VTCN1: variants seen among roughly 807,000 people sequenced by gnomAD.
The protein encoded by VTCN1 is V-set domain containing T cell activation inhibitor 1, also known as V-set domain-containing T-cell activation inhibitor 1.
A neutral mutation model predicts 26.5 loss-of-function variants in VTCN1; 26 were observed. The observed-to-expected ratio is 0.98, with a 90% CI of 0.72 to 1.36. The LOEUF (loss-of-function observed/expected upper bound fraction) is 1.36. VTCN1 is among the 40% of genes most tolerant of loss of function. The pLI is 0.00. For missense variants in VTCN1, 298 were observed against 337.7 expected (o/e 0.88, Z 0.92); for synonymous variants, 116 against 130.7 (o/e 0.89, Z 0.77).
At position 117,144,619 on chromosome 1, in the gene VTCN1, G is replaced by C. The variant is rs993986697; in HGVS notation, c.*652C>G. 6.6e-6 allele frequency: 1 copy of C among 152,106 alleles called. No homozygotes were observed. The highest frequency in any genetic ancestry group is 2.4e-5 in the African/African-American group (1 of 41,332). 9.4% of individuals were successfully genotyped at this position (152,106 alleles called of 1,614,324 possible). A position where few individuals can be genotyped will look rare whatever the true frequency, so the allele number is the denominator to read the frequency against. ...GTTTATTTATAAAATCGGTGTCGCC[G>C]ACTGCTCTGTTTATGCTAAAATTAT... is the stretch of plus-strand genomic sequence containing the variant. On this transcript the variant is annotated 3_prime_UTR_variant, in exon 6 of 6. Coordinates refer to ENST00000369458, the MANE Select transcript of VTCN1 (RefSeq NM_024626.4).
chr1:117,155,504 T>C lies in VTCN1; in HGVS notation c.445+1070A>G, dbSNP rs1467773367. On this transcript the variant is annotated intron_variant, in intron 3 of 5. Transcript: ENST00000369458. This position sits in a 1 kb window ranked among gnomAD's most constrained non-coding sequence, Gnocchi z 4.8. ...GTATTTATTCTATACCTTTGAGTTA[T>C]AATTCAATACTATGTTACTTATTTT... Among the ~76,000 whole-genome samples the C allele has an allele frequency of 1.3e-5, 2 of 152,262 alleles. No individual in the cohort carries two copies. Among genetic ancestry groups the C allele is most frequent in the Admixed American group, 6.5e-5 (1 of 15,292 alleles).
chr1:117,156,724 C>G lies in VTCN1; in HGVS notation c.295G>C (p.Gly99Arg). 6.2e-7 allele frequency: 1 copy of G among 1,614,208 alleles called. No individual in the cohort carries two copies. Residue 99 changes from glycine to arginine, a missense_variant, in exon 3 of 6, where the codon GGC (glycine) becomes CGC (arginine). Coordinates refer to ENST00000369458, the MANE Select transcript of VTCN1 (RefSeq NM_024626.4). ...TGATCAGCAAACACTGCTGTCCGGC[C>G]TCTGAACATTTCATCCTGCTCCGAC... is the stretch of plus-strand genomic sequence containing the variant. Reference protein sequence around the residue: ...ELSEQDEMFRGRTAVFADQVI... With the variant: ...ELSEQDEMFRRRTAVFADQVI...
intron 1 of VTCN1, among the ~76,000 whole-genome samples, chr1:117,185,851 C>T (rs1444133599): frequency 2.0e-5 from 3 of 152,150 alleles, no homozygotes; most frequent in African/African-American, 7.2e-5. Flanking sequence ...CAAGTTGTCC[C>T]ACCTTTCCAG....
At chr1:117,152,039 A>G (rs1651829023) in intron 4 of VTCN1, among the ~76,000 whole-genome samples, 1 of 152,138 alleles carries the variant, frequency 6.6e-6, no homozygotes, top group African/African-American at 2.4e-5. Flanking sequence ...TACTTTGCCC[A>G]TTTTAAAATG....
rs1652369616 is a variant in VTCN1, at chr1:117,161,534, T to C, written c.98-4613A>G. Among the ~76,000 whole-genome samples the C allele has an allele frequency of 6.6e-6, 1 of 152,228 alleles. No individual in the cohort carries two copies. Among genetic ancestry groups the C allele is most frequent in the Admixed American group, 6.5e-5 (1 of 15,276 alleles). ...TCTCTGGAACTAGTTTGTGAGCTTT[T>C]CAAGAGCAGAAACTGTCTTAATCCT... On this transcript the variant is annotated intron_variant, in intron 2 of 5. Coordinates refer to ENST00000369458, the MANE Select transcript of VTCN1 (RefSeq NM_024626.4). This position sits in a 1 kb window ranked among gnomAD's most constrained non-coding sequence, Gnocchi z 4.3.
chr1:117,170,772 C>T (rs1438096936), intron 1 of VTCN1, among the ~76,000 whole-genome samples: 1 of 152,112 alleles, frequency 6.6e-6, no homozygotes, highest in African/African-American at 2.4e-5. Context: ...AAAAATGAGA[C>T]AAATAAATCA....
chr1:117,197,801 C>A lies in VTCN1; in HGVS notation c.32+13023G>T, dbSNP rs529227824. On this transcript the variant is annotated intron_variant, in intron 1 of 5. Coordinates refer to ENST00000369458, the MANE Select transcript of VTCN1 (RefSeq NM_024626.4). ...ACCCTCCACCAGTAACATATTTATACCCTCCACTGGTAACAAAATGAGAGG... is the reference window on the plus strand; with the variant it reads ...ACCCTCCACCAGTAACATATTTATAACCTCCACTGGTAACAAAATGAGAGG... Among the ~76,000 whole-genome samples the A allele has an allele frequency of 3.3e-5, 5 of 152,192 alleles. No individual in the cohort carries two copies. In the East Asian group the frequency reaches 9.7e-4, roughly 29 times the overall value.
In VTCN1 at chr1:117,158,799, C is replaced by T. The variant is rs150005658; in HGVS notation, c.98-1878G>A. On this transcript the variant is annotated intron_variant, in intron 2 of 5. Coordinates refer to ENST00000369458, the MANE Select transcript of VTCN1 (RefSeq NM_024626.4). ...TAAAACTGAATACCTTTAACAGCAC[C>T]GAAGTTACCTCTTGAATGCTTTGCT... is the stretch of plus-strand genomic sequence containing the variant. Among the ~76,000 whole-genome samples the T allele has an allele frequency of 6.2e-3, 937 of 152,260 alleles. 10 individuals carry two copies. Among genetic ancestry groups the T allele is most frequent in the African/African-American group, 0.02 (845 of 41,548 alleles).
chr1:117,181,260 A>AG (rs1647658777), intron 1 of VTCN1, among the ~76,000 whole-genome samples: 2 of 151,982 alleles, frequency 1.3e-5, no homozygotes, highest in South Asian at 4.2e-4. Context: ...TTACAAAAAA[A>AG]AAAAAAAAGT....
chr1:117,196,036 C>T (rs1285536997), intron 1 of VTCN1, among the ~76,000 whole-genome samples: 1 of 152,092 alleles, frequency 6.6e-6, no homozygotes, highest in Non-Finnish European at 1.5e-5. Flanking sequence ...CCCATAGTCC[C>T]AGCTACTTGG....
chr1:117,185,296 C>T (rs1451771833), intron 1 of VTCN1, among the ~76,000 whole-genome samples: 2 of 152,176 alleles, frequency 1.3e-5, no homozygotes, highest in Admixed American at 1.3e-4. Flanking sequence ...GCAGGAATGA[C>T]TAGGGTCTTG....
intron 1 of VTCN1, among the ~76,000 whole-genome samples, chr1:117,193,002 A>T (rs1648320864): frequency 6.6e-6 from 1 of 152,198 alleles, no homozygotes; most frequent in South Asian, 2.1e-4. Flanking sequence ...CAACACAGCA[A>T]TAACAATGGA....
At chr1:117,152,018 G>C (rs1480570734) in intron 4 of VTCN1, among the ~76,000 whole-genome samples, 1 of 152,146 alleles carries the variant, frequency 6.6e-6, no homozygotes, top group Non-Finnish European at 1.5e-5. Context: ...TGGGTTGAAT[G>C]TCTCTTCAAG....
At chr1:117,163,395 AG>A (rs34043202) in intron 2 of VTCN1, among the ~76,000 whole-genome samples, 2 of 152,236 alleles carry the variant, frequency 1.3e-5, no homozygotes, top group African/African-American at 4.8e-5. Flanking sequence ...GATACAATGC[AG>A]GTAAAGTGCT....
chr1:117,182,039 C>T (rs1647697764), intron 1 of VTCN1, among the ~76,000 whole-genome samples: 1 of 152,194 alleles, frequency 6.6e-6, no homozygotes, highest in Admixed American at 6.5e-5. Context: ...AGCACTTGGG[C>T]TGGCTGCTTC....
Position 117,210,814 on chromosome 1 carries a change from T to G in VTCN1, c.32+10A>C. The G allele has an allele frequency of 6.2e-7, 1 of 1,613,378 alleles. No individual in the cohort carries two copies. The highest frequency in any genetic ancestry group is 1.1e-5 in the South Asian group (1 of 91,040). On this transcript the variant is annotated intron_variant, in intron 1 of 5. Coordinates refer to ENST00000369458, the MANE Select transcript of VTCN1 (RefSeq NM_024626.4). ...TCACCCATAAGGATAGAGAGAAGAG[T>G]ATATACTACCTCCAGAAGAGGATCT...
chr1:117,148,917 C>T (rs1454557014), intron 4 of VTCN1, among the ~76,000 whole-genome samples: 5 of 152,194 alleles, frequency 3.3e-5, no homozygotes, highest in Non-Finnish European at 5.9e-5. Context: ...AACTGACGGC[C>T]TGCAGGAGCA....
chr1:117,143,615 C>G lies in VTCN1; in HGVS notation c.*1656G>C, dbSNP rs1162365054. On this transcript the variant is annotated 3_prime_UTR_variant, in exon 6 of 6. Coordinates refer to ENST00000369458, the MANE Select transcript of VTCN1 (RefSeq NM_024626.4). ...TGTAGGAAATGTATATTTAATCATT[C>G]TCTTGAACGATCAGAACTCTAAAAT... 1 of 152,202 alleles carries G rather than the reference C, an allele frequency of 6.6e-6. No homozygotes were observed. The highest frequency in any genetic ancestry group is 1.5e-5 in the Non-Finnish European group (1 of 68,044). 9.4% of individuals were successfully genotyped at this position (152,202 alleles called of 1,614,324 possible). A position where few individuals can be genotyped will look rare whatever the true frequency, so the allele number is the denominator to read the frequency against.
At chr1:117,187,932 C>T (rs1648030222) in intron 1 of VTCN1, among the ~76,000 whole-genome samples, 1 of 151,948 alleles carries the variant, frequency 6.6e-6, no homozygotes, top group African/African-American at 2.4e-5. Context: ...TAATTCTTAC[C>T]CACTTCACTC....
Sources: gnomAD v4.1 joint callset for allele counts (sites outside exome capture counted in the v4.1 genomes callset) on GRCh38, gnomAD v4.1.1 for gene constraint, Gnocchi (gnomAD v3.1) non-coding constraint, MANE v1.5 for transcripts, NCBI Gene and HGNC (gene_info 2026-07-23, HGNC 2026-07-21) for gene names.